The following CPQ variants were observed in gnomAD, a reference collection of about 807,000 sequenced individuals.
CPQ encodes the protein Ser-Met dipeptidase.
In CPQ, 37 loss-of-function variants were observed where a neutral mutation model predicts 45.7. The ratio of observed to expected loss-of-function variants is 0.81; its 90% CI spans 0.62 to 1.07. CPQ has a LOEUF of 1.07. CPQ is among the 50% of genes least tolerant of loss of function. CPQ has a pLI of 0.00. For missense variants in CPQ, 537 were observed against 572.9 expected (o/e 0.94, Z 0.64); for synonymous variants, 186 against 205.8 (o/e 0.90, Z 0.82).
intron 6 of CPQ, among the ~76,000 whole-genome samples, chr8:97,039,888 G>A (rs2130486455): frequency 6.6e-6 from 1 of 151,650 alleles, no homozygotes; most frequent in South Asian, 2.1e-4. Context: ...ATCATTGTTG[G>A]ACATTTGGGT....
chr8:96,768,351 A>T (rs964960085), intron 1 of CPQ, among the ~76,000 whole-genome samples: 14 of 151,228 alleles, frequency 9.3e-5, no homozygotes, highest in Non-Finnish European at 7.4e-5. Context: ...GAATTGGCGC[A>T]TTAATTTCCC....
chr8:96,810,688 T>C (rs1298913051), intron 2 of CPQ, among the ~76,000 whole-genome samples: 1 of 152,216 alleles, frequency 6.6e-6, no homozygotes, highest in Non-Finnish European at 1.5e-5. Flanking sequence ...CCTTCAACTT[T>C]AAGGGTAGTG....
chr8:96,676,922 C>T (rs762292750), intron 1 of CPQ, among the ~76,000 whole-genome samples: 1 of 151,956 alleles, frequency 6.6e-6, no homozygotes, highest in Non-Finnish European at 1.5e-5. Context: ...TGAGGACATA[C>T]AATACTGGTT....
At chr8:97,081,857 G>A (rs1263811047) in intron 7 of CPQ, among the ~76,000 whole-genome samples, 3 of 152,126 alleles carry the variant, frequency 2.0e-5, no homozygotes, top group Non-Finnish European at 4.4e-5. Flanking sequence ...GTGACCTTAG[G>A]AAAGTCATTT....
At chr8:96,702,263 A>G (rs1809472116) in intron 1 of CPQ, among the ~76,000 whole-genome samples, 1 of 152,178 alleles carries the variant, frequency 6.6e-6, no homozygotes, top group African/African-American at 2.4e-5. Context: ...TTTTGAAGTG[A>G]GAGCAACTTA....
intron 4 of CPQ, among the ~76,000 whole-genome samples, chr8:96,896,440 G>T (rs1812443961): frequency 6.6e-6 from 1 of 152,030 alleles, no homozygotes; most frequent in African/African-American, 2.4e-5. Context: ...CATGTATTTG[G>T]TGTCACTTTC....
intron 2 of CPQ, among the ~76,000 whole-genome samples, chr8:96,811,838 C>A (rs1003710972): frequency 1.3e-5 from 2 of 152,022 alleles, no homozygotes; most frequent in African/African-American, 4.8e-5. Flanking sequence ...GGGAATAAAT[C>A]CAATACTTAT....
At chr8:96,779,156 A>G (rs780065079) in intron 1 of CPQ, among the ~76,000 whole-genome samples, 6 of 151,772 alleles carry the variant, frequency 4.0e-5, no homozygotes, top group Admixed American at 2.0e-4. Flanking sequence ...TTCTGGACAT[A>G]TTTTTTAAAT....
In CPQ at chr8:96,876,970, C is replaced by A. The variant is rs192823753; in HGVS notation, c.642-2828C>A. 2.8e-4 allele frequency among the ~76,000 whole-genome samples: 42 copies of A among 152,202 alleles called. No homozygotes were observed. The East Asian group carries it at 7.5e-3, about 27-fold the overall frequency. Reference sequence around the variant, plus strand: ...AGAATGAGTTGAGAAGGGTTCCCTCCTCTTCTATTTTTTGTAAGAATTTAT... The same window carrying A: ...AGAATGAGTTGAGAAGGGTTCCCTCATCTTCTATTTTTTGTAAGAATTTAT... On this transcript the variant is annotated intron_variant, in intron 3 of 7. Transcript: ENST00000220763.
intron 1 of CPQ, among the ~76,000 whole-genome samples, chr8:96,647,319 C>T (rs1015689884): frequency 6.6e-6 from 1 of 152,156 alleles, no homozygotes; most frequent in African/African-American, 2.4e-5. Context: ...CTTTCTCACA[C>T]TGTTTTCCCA....
intron 5 of CPQ, among the ~76,000 whole-genome samples, chr8:96,989,520 GGAGAGGA>G (rs1364948609): frequency 1.3e-5 from 2 of 150,984 alleles, no homozygotes; most frequent in Admixed American, 1.3e-4. Context: ...GGAGCGGAGA[GGAGAGGA>G]GAGAGGAGAG....
At chr8:96,924,261 T>C (rs957484886) in intron 4 of CPQ, among the ~76,000 whole-genome samples, 1 of 152,188 alleles carries the variant, frequency 6.6e-6, no homozygotes, top group Non-Finnish European at 1.5e-5. Flanking sequence ...ATCAGAGTTT[T>C]TCATTTTCTG....
chr8:96,706,136 G>A (rs959069178), intron 1 of CPQ, among the ~76,000 whole-genome samples: 4 of 152,106 alleles, frequency 2.6e-5, no homozygotes, highest in African/African-American at 7.2e-5. Context: ...TGCCTGGACC[G>A]TGTTTTAATA....
chr8:97,087,846 A>G (rs979410041), intron 7 of CPQ, among the ~76,000 whole-genome samples: 1 of 152,222 alleles, frequency 6.6e-6, no homozygotes, highest in African/African-American at 2.4e-5. Context: ...TAAAATGCCT[A>G]TTTACAGTTA....
intron 6 of CPQ, among the ~76,000 whole-genome samples, chr8:97,065,804 T>C (rs76655387): frequency 7.2e-4 from 110 of 152,218 alleles, no homozygotes; most frequent in Middle Eastern, 3.4e-3. Flanking sequence ...AGCCAACTCT[T>C]GAGTTTGGCA....
intron 1 of CPQ, among the ~76,000 whole-genome samples, chr8:96,729,151 A>G (rs957055933): frequency 1.3e-5 from 2 of 152,220 alleles, no homozygotes; most frequent in African/African-American, 4.8e-5. Flanking sequence ...CTCTCGCAAG[A>G]GAAGTCTTAT....
chr8:96,693,651 C>T (rs538330091), intron 1 of CPQ, among the ~76,000 whole-genome samples: 1 of 152,094 alleles, frequency 6.6e-6, no homozygotes, highest in Admixed American at 6.5e-5. Flanking sequence ...AAAGACTTTT[C>T]CAGACCAAAA....
intron 1 of CPQ, among the ~76,000 whole-genome samples, chr8:96,753,280 C>T (rs900967522): frequency 2.6e-5 from 4 of 152,040 alleles, no homozygotes; most frequent in Admixed American, 6.6e-5. Flanking sequence ...GATTCTTATA[C>T]CACCATTACA....
chr8:96,766,307 G>A (rs1399999835), intron 1 of CPQ, among the ~76,000 whole-genome samples: 1 of 152,170 alleles, frequency 6.6e-6, no homozygotes, highest in African/African-American at 2.4e-5. Flanking sequence ...ACACAGAGGA[G>A]ACTTTTGGAG....
Sources: gnomAD v4.1 joint callset for allele counts (sites outside exome capture counted in the v4.1 genomes callset) on GRCh38, gnomAD v4.1.1 for gene constraint, MANE v1.5 for transcripts, NCBI Gene and HGNC (gene_info 2026-07-23, HGNC 2026-07-21) for gene names.